The following IGSF10 variants were observed in gnomAD, a reference collection of about 807,000 sequenced individuals.
IGSF10 encodes calvaria mechanical force protein 608.
IGSF10 carries 126 observed loss-of-function variants against 128.2 expected under a neutral mutation model. That is an observed-to-expected ratio of 0.98 (90% CI 0.85 to 1.14). The LOEUF (loss-of-function observed/expected upper bound fraction) is 1.14. Ranked by LOEUF, IGSF10 falls within the 50% of genes most tolerant of loss-of-function variation. The pLI is 0.00. For synonymous variants in IGSF10, 1,185 were observed against 1,146.2 expected, an observed-to-expected ratio of 1.03 and a Z score of -0.68; for missense variants, 3,295 against 3,149.8, an observed-to-expected ratio of 1.05 and a Z score of -1.10.
At chr3:151,562,011 C>G in the IGSF10 span, among the ~76,000 whole-genome samples, 1 of 152,164 alleles carries the variant, frequency 6.6e-6, no homozygotes, top group Non-Finnish European at 1.5e-5. Flanking sequence ...GCAACTCCAT[C>G]TTGAAAAGGG....
At chr3:151,584,541 T>C in the IGSF10 span, among the ~76,000 whole-genome samples, 4 of 152,160 alleles carry the variant, frequency 2.6e-5, no homozygotes, top group Admixed American at 2.6e-4. Flanking sequence ...TAGATCAGGT[T>C]CCCTAGAAAC....
chr3:151,593,996 A>G, the IGSF10 span, among the ~76,000 whole-genome samples: 3 of 152,126 alleles, frequency 2.0e-5, no homozygotes. Flanking sequence ...TGAATACGGC[A>G]GATCAGAAGA....
rs1721220304 is a variant in IGSF10 at position 151,446,759 on chromosome 3, AGTG to A, written c.3219_3221del (p.Thr1074del). 6.2e-7 allele frequency: 1 copy of A among 1,614,066 alleles called. No individual in the cohort carries two copies. Among genetic ancestry groups the A allele is most frequent in the Non-Finnish European group, 8.5e-7 (1 of 1,180,016 alleles). On this transcript the variant is annotated inframe_deletion, in exon 6 of 8. Transcript: ENST00000282466. The stretch of plus-strand genomic sequence containing the variant: ...TTGGAAAAGACAATGCTGCTGTGGC[AGTG>A]GTGAGCCTCTCCCTGGGAAGACAGG...
At chr3:151,512,020 C>G in the IGSF10 span, among the ~76,000 whole-genome samples, 1 of 152,112 alleles carries the variant, frequency 6.6e-6, no homozygotes, top group African/African-American at 2.4e-5. Context: ...TAACGGGAGA[C>G]TTTAACACCC....
the IGSF10 span, among the ~76,000 whole-genome samples, chr3:151,579,278 C>T: frequency 6.6e-6 from 1 of 152,018 alleles, no homozygotes; most frequent in Non-Finnish European, 1.5e-5. Context: ...CTATATACCT[C>T]AGTATTCAAC....
the IGSF10 span, among the ~76,000 whole-genome samples, chr3:151,487,193 C>G: frequency 5.9e-5 from 9 of 152,244 alleles, no homozygotes; most frequent in African/African-American, 2.2e-4. Context: ...AAACACAATA[C>G]TATAAACACC....
the IGSF10 span, among the ~76,000 whole-genome samples, chr3:151,599,517 G>A: frequency 6.6e-6 from 1 of 152,064 alleles, no homozygotes; most frequent in African/African-American, 2.4e-5. Context: ...TGAAATCAGG[G>A]GTGGAAAATT....
rs1200020869 is a variant in IGSF10 at position 151,448,464 on chromosome 3, T to C, written c.1517A>G (p.His506Arg). The change falls in exon 6 of 8, where the codon CAC becomes CGC. Residue 506 changes from histidine to arginine, a missense_variant. Transcript: ENST00000282466. ...NCPGQGDPTP[H>R]VDWLLADGSK... Reference sequence around the variant, plus strand: ...TCCATCAGCTAGAAGCCAATCCACGTGTGGGGTGGGGTCTCCTTGGCCTGG... The same window carrying C: ...TCCATCAGCTAGAAGCCAATCCACGCGTGGGGTGGGGTCTCCTTGGCCTGG... The C allele has an allele frequency of 6.2e-7, 1 of 1,614,204 alleles. No individual in the cohort carries two copies. The highest frequency in any genetic ancestry group is 2.2e-5 in the East Asian group (1 of 44,888).
the IGSF10 span, among the ~76,000 whole-genome samples, chr3:151,518,101 T>C: frequency 1.3e-5 from 2 of 152,106 alleles, no homozygotes; most frequent in Admixed American, 6.6e-5. Context: ...GCTGCCTACT[T>C]ATATATTTTA....
At chr3:151,535,508 G>A in the IGSF10 span, among the ~76,000 whole-genome samples, 1 of 152,224 alleles carries the variant, frequency 6.6e-6, no homozygotes, top group South Asian at 2.1e-4. Flanking sequence ...CACTACCTGG[G>A]TGAAGGAATC....
the IGSF10 span, among the ~76,000 whole-genome samples, chr3:151,593,487 C>CTT: frequency 6.8e-6 from 1 of 146,182 alleles, no homozygotes; most frequent in East Asian, 2.0e-4. Context: ...CAAATTATGT[C>CTT]TTTTTTTTTT....
At chr3:151,618,784 A>T in the IGSF10 span, among the ~76,000 whole-genome samples, 3 of 149,918 alleles carry the variant, frequency 2.0e-5, no homozygotes, top group East Asian at 1.9e-4. Flanking sequence ...AATTAAAAAT[A>T]AAAATAAAAT....
At chr3:151,501,381 CA>C in the IGSF10 span, among the ~76,000 whole-genome samples, 1 of 151,876 alleles carries the variant, frequency 6.6e-6, no homozygotes, top group Non-Finnish European at 1.5e-5. Flanking sequence ...TAGGGATCAT[CA>C]TAACATTTAA....
At chr3:151,547,425 T>TACACACAC in the IGSF10 span, among the ~76,000 whole-genome samples, 18 of 85,098 alleles carry the variant, frequency 2.1e-4, no homozygotes, top group Middle Eastern at 0.012. Context: ...TATAAATATA[T>TACACACAC]ATATACACAC....
the IGSF10 span, among the ~76,000 whole-genome samples, chr3:151,558,791 C>T: frequency 6.6e-6 from 1 of 152,108 alleles, no homozygotes; most frequent in Non-Finnish European, 1.5e-5. Flanking sequence ...GGAGGGGTCA[C>T]CTTTTGACTC....
the IGSF10 span, among the ~76,000 whole-genome samples, chr3:151,534,439 T>C: frequency 1.3e-5 from 2 of 152,030 alleles, no homozygotes; most frequent in East Asian, 1.9e-4. Context: ...ATAAAGAAAA[T>C]GTAGCACATA....
chr3:151,463,534 T>TGTTTG (rs1553837084), upstream of IGSF10, among the ~76,000 whole-genome samples: 1 of 54,856 alleles, frequency 1.8e-5, no homozygotes, highest in African/African-American at 7.9e-5. Flanking sequence ...TTTTTTTTTT[T>TGTTTG]TTTTTTTTTT....
the IGSF10 span, among the ~76,000 whole-genome samples, chr3:151,598,799 A>G: frequency 6.6e-6 from 1 of 152,214 alleles, no homozygotes; most frequent in Non-Finnish European, 1.5e-5. Flanking sequence ...AGTTTGGGAC[A>G]TTGTTAATAC....
the IGSF10 span, among the ~76,000 whole-genome samples, chr3:151,508,826 G>T: frequency 6.6e-6 from 1 of 151,954 alleles, no homozygotes; most frequent in Non-Finnish European, 1.5e-5. Flanking sequence ...CCTTCTTCAG[G>T]TTATATTTTA....
Sources: gnomAD v4.1 joint callset for allele counts (sites outside exome capture counted in the v4.1 genomes callset) on GRCh38, gnomAD v4.1.1 for gene constraint, MANE v1.5 for transcripts, NCBI Gene and HGNC (gene_info 2026-07-23, HGNC 2026-07-21) for gene names.